MYO1E: variants seen among roughly 807,000 people sequenced by gnomAD.
The protein encoded by MYO1E is myosin IE.
MYO1E carries 68 observed loss-of-function variants against 151.1 expected under a neutral mutation model. That is an observed-to-expected ratio of 0.45 (90% CI 0.37 to 0.55). The LOEUF is 0.55. MYO1E is among the 20% of genes least tolerant of loss of function. The pLI is 0.00. For synonymous variants in MYO1E, 601 were observed against 501.7 expected (o/e 1.20, Z -2.64); for missense variants, 1,363 against 1,389.3 (o/e 0.98, Z 0.30).
chr15:59,199,629 TAA>T (rs761278410), intron 16 of MYO1E, among the ~76,000 whole-genome samples: 3 of 152,134 alleles, frequency 2.0e-5, no homozygotes, highest in Non-Finnish European at 4.4e-5. Context: ...ATCAATATAA[TAA>T]GAGTTCCCAT....
rs1566961722 is a variant in MYO1E, at chr15:59,138,366, C to T, written c.3082G>A (p.Val1028Ile). Residue 1028 changes from valine (V) to isoleucine (I), a missense_variant and splice_region_variant, in exon 27 of 28, where the codon GTC (valine) becomes ATC (isoleucine). By Grantham distance (29) the Val-to-Ile change is conservative (BLOSUM62 3). Transcript: ENST00000288235. ...GGCCGACTGGTTGTTTGTCTCCTGA[C>T]CCTGTGGAGAGAGTGGAGCAGATGA... The part of the protein sequence containing the change: ...LKVPDQGAAG[V>I]RRQTTSRPPP... The T allele has an allele frequency of 3.1e-6, 5 of 1,613,954 alleles. No individual in the cohort carries two copies. The highest frequency in any genetic ancestry group is 4.2e-6 in the Non-Finnish European group (5 of 1,179,918).
At chr15:59,163,451 A>G (rs2140311821) in intron 22 of MYO1E, 148 bp from the exon 23 acceptor site, 1 of 808,868 alleles carries the variant, frequency 1.2e-6, no homozygotes, top group East Asian at 2.7e-5. Flanking sequence ...TTCAAACAAA[A>G]CCAACAACAA....
chr15:59,187,783 G>C (rs2079707463), intron 18 of MYO1E, among the ~76,000 whole-genome samples: 1 of 152,228 alleles, frequency 6.6e-6, no homozygotes, highest in Admixed American at 6.5e-5. Context: ...CAACAACATG[G>C]ATGAATCTTA....
At chr15:59,325,903 C>A (rs1596418371) in intron 1 of MYO1E, among the ~76,000 whole-genome samples, 1 of 152,154 alleles carries the variant, frequency 6.6e-6, no homozygotes, top group Admixed American at 6.5e-5. Flanking sequence ...CCAGCTCTAA[C>A]CCCCATGGCC....
At chr15:59,178,769 C>T (rs1229046163) in intron 18 of MYO1E, among the ~76,000 whole-genome samples, 1 of 152,232 alleles carries the variant, frequency 6.6e-6, no homozygotes, top group Non-Finnish European at 1.5e-5. Flanking sequence ...TCCCAGCATT[C>T]CCACGTCAAC....
intron 2 of MYO1E, among the ~76,000 whole-genome samples, chr15:59,265,888 G>A: frequency 6.6e-6 from 1 of 151,482 alleles, no homozygotes; most frequent in East Asian, 1.9e-4. Context: ...GATCACTTAG[G>A]CCTGGGAAGG....
chr15:59,147,148 G>A (rs190748626), intron 26 of MYO1E, among the ~76,000 whole-genome samples: 16 of 152,126 alleles, frequency 1.1e-4, no homozygotes, highest in African/African-American at 2.4e-4. Flanking sequence ...GATGGCTGCC[G>A]AATCTCACAA....
intron 9 of MYO1E, 32 bp downstream of exon 9, chr15:59,223,027 T>G (rs1370775396): frequency 1.2e-5 from 19 of 1,613,200 alleles, no homozygotes; most frequent in Non-Finnish European, 1.5e-5. Flanking sequence ...TAGCCACCCC[T>G]CATTCAATGG....
chr15:59,193,038 A>G (rs1309294824), intron 17 of MYO1E, among the ~76,000 whole-genome samples: 1 of 94,198 alleles, frequency 1.1e-5, no homozygotes, highest in Non-Finnish European at 2.0e-5. Flanking sequence ...CGCTCTAACA[A>G]CTTAGTGATA....
intron 3 of MYO1E, among the ~76,000 whole-genome samples, chr15:59,259,561 C>A (rs1200584591): frequency 6.6e-6 from 1 of 152,046 alleles, no homozygotes; most frequent in African/African-American, 2.4e-5. Context: ...AGTGCACAAA[C>A]AACATTAATG....
intron 26 of MYO1E, among the ~76,000 whole-genome samples, chr15:59,138,903 A>G (rs888138198): frequency 1.3e-5 from 2 of 152,148 alleles, no homozygotes; most frequent in Non-Finnish European, 2.9e-5. Flanking sequence ...GAAAGGAATC[A>G]TATTCCACGG....
At chr15:59,227,641 G>T in intron 6 of MYO1E, 51 bp from the exon 7 acceptor site, 4 of 1,602,936 alleles carry the variant, frequency 2.5e-6, no homozygotes, top group Non-Finnish European at 2.6e-6. Flanking sequence ...AAAACATGAT[G>T]TCCCAAACAG....
chr15:59,256,320 A>T lies in MYO1E; in HGVS notation c.296T>A (p.Met99Lys). The change falls in exon 4 of 28, where the codon ATG (methionine) becomes AAG (lysine). Residue 99 changes from methionine to lysine, a missense_variant. Physicochemically the swap from Met to Lys is moderately conservative, Grantham distance 95. Transcript: ENST00000288235. ...GCACTGGTTCTCTCTGTCAATGATC[A>T]TGTTTCTGTACATATTATCTGCAAG... ...YALADNMYRNMIIDRENQCVI... is the reference protein window; with the variant it reads ...YALADNMYRNKIIDRENQCVI... 1 of 1,613,112 alleles carries T rather than the reference A, an allele frequency of 6.2e-7. No individual in the cohort carries two copies. Among genetic ancestry groups the T allele is most frequent in the Non-Finnish European group, 8.5e-7 (1 of 1,179,246 alleles).
intron 4 of MYO1E, among the ~76,000 whole-genome samples, chr15:59,242,735 T>G (rs1190377174): frequency 6.6e-6 from 1 of 151,914 alleles, no homozygotes; most frequent in Non-Finnish European, 1.5e-5. Context: ...TAAAAGAAAA[T>G]AAAATTAATT....
At chr15:59,254,848 TG>T (rs1449947200) in intron 4 of MYO1E, among the ~76,000 whole-genome samples, 1 of 152,040 alleles carries the variant, frequency 6.6e-6, no homozygotes, top group Non-Finnish European at 1.5e-5. Flanking sequence ...TTTCTTGATA[TG>T]GAGTCTCAGT....
chr15:59,240,514 A>G (rs1156698988), intron 4 of MYO1E, among the ~76,000 whole-genome samples: 2 of 152,242 alleles, frequency 1.3e-5, no homozygotes, highest in African/African-American at 4.8e-5. Flanking sequence ...TATTTTTCTG[A>G]GAAAGGTTAT....
At chr15:59,315,334 C>T (rs2080581200) in intron 1 of MYO1E, among the ~76,000 whole-genome samples, 2 of 152,240 alleles carry the variant, frequency 1.3e-5, no homozygotes, top group East Asian at 3.9e-4. Context: ...TTGCCATCCC[C>T]ATCCACGTAA....
intron 26 of MYO1E, among the ~76,000 whole-genome samples, chr15:59,149,633 A>G (rs140804178): frequency 6.6e-6 from 1 of 152,242 alleles, no homozygotes; most frequent in Non-Finnish European, 1.5e-5. Context: ...CCTAAAATAA[A>G]CTGATAAAGA....
rs1167625702 is a variant in MYO1E, at chr15:59,242,278, C to G, written c.333-5606G>C. Among the ~76,000 whole-genome samples, 8 of 152,236 alleles carry G rather than the reference C, an allele frequency of 5.3e-5. No individual in the cohort carries two copies. The East Asian group carries it at 1.5e-3, about 29-fold the overall frequency. ...AACAAGGGCTGCTTTGGGAAATGAC[C>G]AATGCCAGGGCTGGAGTGGGGAAAA... On this transcript the variant is annotated intron_variant, in intron 4 of 27. Transcript: ENST00000288235.
Sources: gnomAD v4.1 joint callset for allele counts (sites outside exome capture counted in the v4.1 genomes callset) on GRCh38, gnomAD v4.1.1 for gene constraint, MANE v1.5 for transcripts, NCBI Gene and HGNC (gene_info 2026-07-23, HGNC 2026-07-21) for gene names.